Variants in XRCC4 observed in about 807,000 individuals in gnomAD.
XRCC4 encodes DNA repair protein XRCC4.
In XRCC4, 28 loss-of-function variants were observed where a neutral mutation model predicts 39.1. The ratio of observed to expected loss-of-function variants is 0.72; its 90% CI spans 0.53 to 0.98. The LOEUF (loss-of-function observed/expected upper bound fraction) is 0.98. Ranked by LOEUF, XRCC4 falls within the 50% of genes least tolerant of loss-of-function variation. The pLI is 0.00. For missense variants in XRCC4, 350 were observed against 376.4 expected, an observed-to-expected ratio of 0.93 and a Z score of 0.58; for synonymous variants, 123 against 126.4, an observed-to-expected ratio of 0.97 and a Z score of 0.18.
At chr5:83,241,069 C>T (rs28360202) in intron 6 of XRCC4, among the ~76,000 whole-genome samples, 2,417 of 151,998 alleles carry the variant, frequency 0.016, 59 homozygotes, top group African/African-American at 0.054. Flanking sequence ...AACTCTGTTT[C>T]TACTAAAAAT....
chr5:83,175,864 C>T (rs1749930856), intron 3 of XRCC4, among the ~76,000 whole-genome samples: 1 of 152,102 alleles, frequency 6.6e-6, no homozygotes, highest in South Asian at 2.1e-4. Flanking sequence ...CTGCCTTGGC[C>T]TCCCAAAGTG....
At chr5:83,303,067 G>C (rs1475065550) in intron 7 of XRCC4, among the ~76,000 whole-genome samples, 1 of 152,122 alleles carries the variant, frequency 6.6e-6, no homozygotes, top group African/African-American at 2.4e-5. Flanking sequence ...ACAAAAATCA[G>C]CTGGGTGTGG....
chr5:83,170,338 C>A (rs567435189), intron 3 of XRCC4, among the ~76,000 whole-genome samples: 31 of 152,116 alleles, frequency 2.0e-4, no homozygotes, highest in African/African-American at 7.2e-4. Context: ...TCATTTTGTG[C>A]CTTATATGAC....
At chr5:83,113,079 A>G (rs1170173008) in intron 3 of XRCC4, among the ~76,000 whole-genome samples, 1 of 152,186 alleles carries the variant, frequency 6.6e-6, no homozygotes, top group African/African-American at 2.4e-5. Flanking sequence ...AGTTCCTTCT[A>G]CCTATGAGCT....
intron 6 of XRCC4, among the ~76,000 whole-genome samples, chr5:83,249,773 T>G (rs372272472): frequency 1.4e-4 from 21 of 152,268 alleles, no homozygotes; most frequent in African/African-American, 4.8e-4. Flanking sequence ...GATTTTGACT[T>G]ACTAGTCAAG....
chr5:83,111,556 A>G (rs1746446233), intron 3 of XRCC4, among the ~76,000 whole-genome samples: 1 of 100,978 alleles, frequency 9.9e-6, no homozygotes, highest in African/African-American at 4.7e-5. Flanking sequence ...ATTGATTTTA[A>G]GAAATAAAAT....
chr5:83,362,304 A>AAAAAAAAAAAAAAAC, the XRCC4 span, among the ~76,000 whole-genome samples: 1 of 150,628 alleles, frequency 6.6e-6, no homozygotes, highest in African/African-American at 2.5e-5. Context: ...CAAAAAAAAA[A>AAAAAAAAAAAAAAAC]AAAAAAAAAA....
At chr5:83,136,251 G>A (rs1387226810) in intron 3 of XRCC4, among the ~76,000 whole-genome samples, 1 of 152,126 alleles carries the variant, frequency 6.6e-6, no homozygotes, top group East Asian at 1.9e-4. Flanking sequence ...CTTGTCTTTA[G>A]CAAGCTAGAT....
chr5:83,314,002 A>G (rs1755796229), intron 7 of XRCC4, among the ~76,000 whole-genome samples: 1 of 152,146 alleles, frequency 6.6e-6, no homozygotes, highest in South Asian at 2.1e-4. Context: ...CCAACCAAGA[A>G]CACAATCTTT....
chr5:83,332,980 G>C (rs754172396), intron 7 of XRCC4, among the ~76,000 whole-genome samples: 1 of 152,062 alleles, frequency 6.6e-6, no homozygotes, highest in African/African-American at 2.4e-5. Flanking sequence ...ATATTATTGT[G>C]ACAATTACAT....
chr5:83,103,700 T>A (rs1034352474), intron 1 of XRCC4, among the ~76,000 whole-genome samples: 5 of 152,214 alleles, frequency 3.3e-5, no homozygotes, highest in Admixed American at 3.3e-4. Flanking sequence ...TATACTCATA[T>A]AATAGACTAC....
At chr5:83,217,211 G>A (rs1270511775) in intron 6 of XRCC4, among the ~76,000 whole-genome samples, 3 of 151,986 alleles carry the variant, frequency 2.0e-5, no homozygotes, top group Admixed American at 6.6e-5. Flanking sequence ...CAAAAAATTA[G>A]CCAGGCATGG....
chr5:83,299,824 A>G lies in XRCC4; in HGVS notation c.893+41147A>G, dbSNP rs946896320. 4.6e-5 allele frequency among the ~76,000 whole-genome samples: 7 copies of G among 152,152 alleles called. No individual in the cohort carries two copies. The East Asian group carries it at 1.4e-3, about 29-fold the overall frequency. On this transcript the variant is annotated intron_variant, in intron 7 of 7. Transcript: ENST00000396027. ...TTTTATTTCTTTAAGTATCATCAAC[A>G]TGGTTATTTTATTGCTGTCTCTGTT...
At chr5:83,294,640 A>G (rs1366900710) in intron 7 of XRCC4, among the ~76,000 whole-genome samples, 4 of 152,054 alleles carry the variant, frequency 2.6e-5, no homozygotes, top group Non-Finnish European at 4.4e-5. Flanking sequence ...ATTAATTGAG[A>G]AGACTTCTGG....
chr5:83,197,359 G>A (rs1023637820), intron 4 of XRCC4, among the ~76,000 whole-genome samples: 10 of 152,034 alleles, frequency 6.6e-5, no homozygotes, highest in East Asian at 5.8e-4. Context: ...TGCTATGGTC[G>A]TGATAAGCCA....
intron 3 of XRCC4, among the ~76,000 whole-genome samples, chr5:83,126,849 C>T (rs972686484): frequency 7.2e-5 from 11 of 152,172 alleles, no homozygotes; most frequent in Non-Finnish European, 1.3e-4. Context: ...GACATGGAAC[C>T]ACATAAGATT....
At chr5:83,161,330 C>T (rs552651514) in intron 3 of XRCC4, among the ~76,000 whole-genome samples, 1 of 152,050 alleles carries the variant, frequency 6.6e-6, no homozygotes, top group Non-Finnish European at 1.5e-5. Context: ...CAGAGTTTCA[C>T]CTTGTTGGCC....
chr5:83,230,527 A>T (rs1249670306), intron 6 of XRCC4, among the ~76,000 whole-genome samples: 1 of 152,022 alleles, frequency 6.6e-6, no homozygotes, highest in Non-Finnish European at 1.5e-5. Flanking sequence ...TTAAAATTTA[A>T]TTTTTTTAAC....
intron 7 of XRCC4, among the ~76,000 whole-genome samples, chr5:83,304,055 T>A (rs754665683): frequency 1.7e-4 from 26 of 152,126 alleles, no homozygotes; most frequent in Non-Finnish European, 3.2e-4. Context: ...GTAAATTTTT[T>A]AATAATCTAG....
Sources: allele counts gnomAD v4.1 joint callset (sites outside exome capture counted in the v4.1 genomes callset), GRCh38; gene constraint gnomAD v4.1.1; transcripts MANE v1.5; gene names NCBI Gene and HGNC (gene_info 2026-07-23, HGNC 2026-07-21).